NT5DC3: variants seen among roughly 807,000 people sequenced by gnomAD.
The protein encoded by NT5DC3 is 5'-nucleotidase domain-containing protein 3.
In NT5DC3, 42 loss-of-function variants were observed where a neutral mutation model predicts 67.8. That is an observed-to-expected ratio of 0.62 (90% CI 0.48 to 0.80). The LOEUF is 0.80. Among genes scored for constraint, NT5DC3 ranks in the 30% least tolerant of loss-of-function variants. The pLI is 0.00. For missense variants in NT5DC3, 570 were observed against 696.4 expected (o/e 0.82, Z 2.04); for synonymous variants, 237 against 255.6 (o/e 0.93, Z 0.69).
intron 1 of NT5DC3, among the ~76,000 whole-genome samples, chr12:103,830,775 C>T (rs535363420): frequency 2.0e-5 from 3 of 152,210 alleles, no homozygotes; most frequent in Admixed American, 6.5e-5. Flanking sequence ...TCACATTTTC[C>T]ATTTCATCTC....
chr12:103,837,625 C>G (rs562369728), intron 1 of NT5DC3, among the ~76,000 whole-genome samples: 98 of 152,348 alleles, frequency 6.4e-4, no homozygotes, highest in African/African-American at 2.2e-3. Flanking sequence ...CCACAAATCT[C>G]TAGGGCAGGG....
At chr12:103,769,890 G>T (rs542435961), downstream of NT5DC3, among the ~76,000 whole-genome samples, 1 of 152,228 alleles carries the variant, frequency 6.6e-6, no homozygotes, top group East Asian at 1.9e-4. Context: ...GAGTGACCAG[G>T]GATGACAATT....
At chr12:103,818,509 G>A (rs200845912) in intron 1 of NT5DC3, among the ~76,000 whole-genome samples, 1 of 147,202 alleles carries the variant, frequency 6.8e-6, no homozygotes, top group Non-Finnish European at 1.5e-5. Context: ...CCAAGTAGCT[G>A]AGATTACAGG....
rs73175817 is a variant in NT5DC3 at position 103,840,382 on chromosome 12, T to G, written c.208+567A>C. Among the ~76,000 whole-genome samples the G allele has an allele frequency of 5.6e-3, 340 of 60,788 alleles. 1 individual carries two copies. Among genetic ancestry groups the G allele is most frequent in the Admixed American group, 7.0e-3 (44 of 6,320 alleles). The allele number at this position is 60,788 out of a possible 152,430, so 39.9% of individuals were successfully genotyped here. A position where few individuals can be genotyped will look rare whatever the true frequency, so the allele number is the denominator to read the frequency against. On this transcript the variant is annotated intron_variant, in intron 1 of 13. Coordinates refer to ENST00000392876, the MANE Select transcript of NT5DC3 (RefSeq NM_001031701.3). The stretch of plus-strand genomic sequence containing the variant: ...CCTCTTTCAAACACCGCACAGCTCA[T>G]CTCATCTCATCTCATCTCATCTCAT...
chr12:103,763,481 T>C, the NT5DC3 span: 1 of 1,613,360 alleles, frequency 6.2e-7, no homozygotes, highest in Admixed American at 1.7e-5. Context: ...CATGCTTGTC[T>C]TTCCAAACAG....
intron 1 of NT5DC3, among the ~76,000 whole-genome samples, chr12:103,836,278 C>T (rs529416304): frequency 1.1e-4 from 17 of 152,352 alleles, no homozygotes; most frequent in Non-Finnish European, 2.1e-4. Context: ...AACCATAACT[C>T]CACAGTCCAA....
At chr12:103,798,039 TAAG>T (rs2139359847) in intron 5 of NT5DC3, among the ~76,000 whole-genome samples, 1 of 152,360 alleles carries the variant, frequency 6.6e-6, no homozygotes, top group East Asian at 1.9e-4. Flanking sequence ...CAAAAAATTC[TAAG>T]TAGAATCATT....
the NT5DC3 span, among the ~76,000 whole-genome samples, chr12:103,764,356 T>A: frequency 2.0e-5 from 3 of 152,232 alleles, no homozygotes; most frequent in Non-Finnish European, 4.4e-5. Context: ...TTTTCTTTGA[T>A]GAGGCCTTAT....
At chr12:103,758,082 G>A in the NT5DC3 span, 15 of 1,575,204 alleles carry the variant, frequency 9.5e-6, no homozygotes, top group African/African-American at 1.3e-5. Flanking sequence ...AATATTCACA[G>A]ATGGGTGATG....
chr12:103,751,029 T>C, the NT5DC3 span, among the ~76,000 whole-genome samples: 2 of 152,260 alleles, frequency 1.3e-5, no homozygotes, highest in Non-Finnish European at 2.9e-5. Context: ...TGCAGAGGCA[T>C]GGGCAATAGG....
chr12:103,759,527 G>A, the NT5DC3 span, among the ~76,000 whole-genome samples: 3 of 152,294 alleles, frequency 2.0e-5, no homozygotes, highest in East Asian at 3.9e-4. Context: ...CTGATTCTCC[G>A]CCTTCATTTT....
the NT5DC3 span, chr12:103,754,979 G>T: frequency 3.7e-6 from 1 of 266,712 alleles, no homozygotes; most frequent in Non-Finnish European, 7.2e-6. Flanking sequence ...TCTATCATCA[G>T]AGTTCTACCA....
chr12:103,807,220 C>T (rs1434939685), intron 2 of NT5DC3, among the ~76,000 whole-genome samples: 4 of 152,208 alleles, frequency 2.6e-5, no homozygotes, highest in Non-Finnish European at 5.9e-5. Context: ...CTTTCCCTCC[C>T]CTACCTGTGT....
At chr12:103,746,436 C>A in the NT5DC3 span, 2 of 641,900 alleles carry the variant, frequency 3.1e-6, no homozygotes, top group East Asian at 2.6e-5. Flanking sequence ...CCAGAATCTC[C>A]AAGGCTAGAA....
At chr12:103,807,977 C>A (rs1305599136) in intron 2 of NT5DC3, among the ~76,000 whole-genome samples, 1 of 152,168 alleles carries the variant, frequency 6.6e-6, no homozygotes, top group African/African-American at 2.4e-5. Context: ...TCTTTATCAG[C>A]AGCATGAAAA....
the NT5DC3 span, among the ~76,000 whole-genome samples, chr12:103,748,621 C>T: frequency 0.057 from 2,862 of 50,106 alleles, 29 homozygotes; most frequent in African/African-American, 0.074. Context: ...CACACACACA[C>T]ACACACACAC....
At chr12:103,750,553 C>T in the NT5DC3 span, 1 of 1,610,772 alleles carries the variant, frequency 6.2e-7, no homozygotes, top group Non-Finnish European at 8.5e-7. Context: ...GGAACTTTTT[C>T]ATCTCTTCCC....
At chr12:103,757,019 A>G in the NT5DC3 span, among the ~76,000 whole-genome samples, 80 of 133,970 alleles carry the variant, frequency 6.0e-4, 1 homozygote, top group African/African-American at 1.8e-3. Context: ...ATATATATAT[A>G]TATATATATA....
At chr12:103,796,617 G>T (rs1200807469) in intron 6 of NT5DC3, among the ~76,000 whole-genome samples, 4 of 152,228 alleles carry the variant, frequency 2.6e-5, no homozygotes, top group Non-Finnish European at 1.5e-5. Flanking sequence ...TTGGCCAAGT[G>T]CACCGGCCCT....
Sources: allele counts gnomAD v4.1 joint callset (sites outside exome capture counted in the v4.1 genomes callset), GRCh38; gene constraint gnomAD v4.1.1; transcripts MANE v1.5; gene names NCBI Gene and HGNC (gene_info 2026-07-23, HGNC 2026-07-21).